The following CEP128 variants were observed in gnomAD, a reference collection of about 807,000 sequenced individuals.
The protein encoded by CEP128 is centrosomal protein 128, also known as centrosomal protein 128kDa.
Under a neutral mutation model 156.7 loss-of-function variants are expected in CEP128, and 132 were observed. That is an observed-to-expected ratio of 0.84 (90% CI 0.73 to 0.97). The LOEUF (loss-of-function observed/expected upper bound fraction) is 0.97. CEP128 is among the 50% of genes least tolerant of loss of function. The pLI, the probability that CEP128 is intolerant of heterozygous loss-of-function variation, is 0.00. For synonymous variants in CEP128, 469 were observed against 448.9 expected, an observed-to-expected ratio of 1.04 and a Z score of -0.57; for missense variants, 1,252 against 1,281.9, an observed-to-expected ratio of 0.98 and a Z score of 0.36.
intron 13 of CEP128, among the ~76,000 whole-genome samples, chr14:80,806,989 A>G (rs1884214979): frequency 6.6e-6 from 1 of 152,180 alleles, no homozygotes; most frequent in Non-Finnish European, 1.5e-5. Flanking sequence ...TTCTATTTTA[A>G]ACATGAGGAG....
At chr14:80,725,607 A>C (rs1235744645) in intron 19 of CEP128, among the ~76,000 whole-genome samples, 1 of 152,172 alleles carries the variant, frequency 6.6e-6, no homozygotes, top group Non-Finnish European at 1.5e-5. Flanking sequence ...AAAATTTAAT[A>C]TCCAAGCAGG....
intron 11 of CEP128, among the ~76,000 whole-genome samples, chr14:80,837,639 C>T (rs1009786898): frequency 1.3e-5 from 2 of 152,164 alleles, no homozygotes; most frequent in Admixed American, 6.5e-5. Flanking sequence ...TCGCTTGAAC[C>T]CGGGAGGCTG....
At chr14:80,622,637 A>C (rs1264569146) in intron 19 of CEP128, among the ~76,000 whole-genome samples, 1 of 150,188 alleles carries the variant, frequency 6.7e-6, no homozygotes, top group Non-Finnish European at 1.5e-5. Flanking sequence ...CCCCATCAAA[A>C]AGTGGGCGAA....
chr14:80,876,985 C>T (rs578241271), intron 8 of CEP128, among the ~76,000 whole-genome samples: 4 of 151,946 alleles, frequency 2.6e-5, no homozygotes, highest in African/African-American at 4.8e-5. Context: ...AATAGTCATG[C>T]CTTCTAAGGC....
downstream of CEP128, among the ~76,000 whole-genome samples, chr14:80,486,605 A>C (rs540772881): frequency 3.9e-5 from 6 of 152,320 alleles, no homozygotes; most frequent in South Asian, 1.2e-3. Context: ...AAAAATGTTA[A>C]GGGCAGCCAG....
At chr14:80,643,659 G>A (rs1243841780) in intron 19 of CEP128, among the ~76,000 whole-genome samples, 1 of 151,926 alleles carries the variant, frequency 6.6e-6, no homozygotes, top group African/African-American at 2.4e-5. Context: ...ACAGTGAGCT[G>A]AGATCACGCC....
chr14:80,806,239 C>T (rs1884169414), intron 13 of CEP128, among the ~76,000 whole-genome samples: 2 of 152,198 alleles, frequency 1.3e-5, no homozygotes, highest in Admixed American at 6.5e-5. Context: ...TTCATACAAC[C>T]TCTTTGTACT....
At chr14:80,798,487 T>C (rs1883629266) in intron 13 of CEP128, among the ~76,000 whole-genome samples, 1 of 152,216 alleles carries the variant, frequency 6.6e-6, no homozygotes, top group Non-Finnish European at 1.5e-5. Flanking sequence ...TGAGGAAAGC[T>C]CATTGTGTCC....
At chr14:80,710,427 G>A (rs745498151) in intron 19 of CEP128, among the ~76,000 whole-genome samples, 32 of 152,098 alleles carry the variant, frequency 2.1e-4, no homozygotes, top group Non-Finnish European at 3.4e-4. Context: ...ATTCATACAC[G>A]TCTCACCACC....
intron 14 of CEP128, among the ~76,000 whole-genome samples, chr14:80,791,093 A>C (rs1901682628): frequency 6.6e-6 from 1 of 152,220 alleles, no homozygotes; most frequent in South Asian, 2.1e-4. Flanking sequence ...CCTTTGAAAT[A>C]ATATTCAGTA....
At chr14:80,876,334 A>G (rs984496240) in intron 8 of CEP128, among the ~76,000 whole-genome samples, 10 of 152,198 alleles carry the variant, frequency 6.6e-5, no homozygotes, top group Admixed American at 4.6e-4. Flanking sequence ...GCAGTGGCTC[A>G]TGCCTGTAAT....
At chr14:80,811,811 G>A (rs1044846477) in intron 13 of CEP128, among the ~76,000 whole-genome samples, 27 of 17,946 alleles carry the variant, frequency 1.5e-3, no homozygotes, top group African/African-American at 5.7e-3. Context: ...GTGTGCACAC[G>A]CATGTATTAG....
At chr14:80,742,714 C>T (rs765412423) in intron 19 of CEP128, 33 of 226,794 alleles carry the variant, frequency 1.5e-4, no homozygotes, top group Admixed American at 6.9e-4. Context: ...ATCCTCTGTA[C>T]CTAGAATAGT....
chr14:80,816,546 C>T (rs1186252072), intron 13 of CEP128, among the ~76,000 whole-genome samples: 5 of 152,116 alleles, frequency 3.3e-5, no homozygotes, highest in African/African-American at 7.2e-5. Flanking sequence ...ACCCTACTTC[C>T]TAAGTAGGGG....
intron 21 of CEP128, among the ~76,000 whole-genome samples, chr14:80,553,083 C>CTTTCTTTCT (rs1555374104): frequency 6.7e-6 from 1 of 148,994 alleles, no homozygotes; most frequent in African/African-American, 2.5e-5. Context: ...TTCTTTCTTT[C>CTTTCTTTCT]TTTTTTTTAA....
At chr14:80,832,808 C>T (rs979974760) in intron 12 of CEP128, among the ~76,000 whole-genome samples, 8 of 152,116 alleles carry the variant, frequency 5.3e-5, no homozygotes. Context: ...TCATATGTTA[C>T]AAGGGTGGGA....
chr14:80,811,390 CCCA>C lies in CEP128; in HGVS notation c.1210-18283_1210-18281del, dbSNP rs1299448163. Among the ~76,000 whole-genome samples the C allele has an allele frequency of 2.0e-5, 3 of 152,208 alleles. 1 individual carries two copies. The highest frequency in any genetic ancestry group is 6.8e-3 in the Middle Eastern group (2 of 294). ...CAGAATGGTTGAACTAATTTACATTCCCACCAATAGTGTAAAAATGACTCCACA... is the reference window on the plus strand; with the variant it reads ...CAGAATGGTTGAACTAATTTACATTCCCAATAGTGTAAAAATGACTCCACA... On this transcript the variant is annotated intron_variant, in intron 13 of 24. Transcript: ENST00000555265.
chr14:80,630,245 T>C (rs1033477799), intron 19 of CEP128, among the ~76,000 whole-genome samples: 3 of 151,976 alleles, frequency 2.0e-5, no homozygotes, highest in Non-Finnish European at 4.4e-5. Context: ...ATTAGAAAAG[T>C]AATGAATGAA....
At chr14:80,901,003 G>A (rs1883527160) in intron 6 of CEP128, among the ~76,000 whole-genome samples, 3 of 151,124 alleles carry the variant, frequency 2.0e-5, no homozygotes, top group African/African-American at 4.9e-5. Flanking sequence ...TCAGGAGATC[G>A]AGACCATCCT....
Sources: allele counts gnomAD v4.1 joint callset (sites outside exome capture counted in the v4.1 genomes callset), GRCh38; gene constraint gnomAD v4.1.1; transcripts MANE v1.5; gene names NCBI Gene and HGNC (gene_info 2026-07-23, HGNC 2026-07-21).